Variants in APTX observed in about 807,000 individuals in gnomAD.
APTX encodes forkhead-associated domain histidine triad-like protein.
A neutral mutation model predicts 42.3 loss-of-function variants in APTX; 33 were observed. The observed-to-expected ratio is 0.78, with a 90% confidence interval of 0.59 to 1.04. APTX has a LOEUF of 1.04. Ranked by LOEUF, APTX falls within the 50% of genes least tolerant of loss-of-function variation. The pLI is 0.00. For synonymous variants in APTX, 130 were observed against 146.7 expected (o/e 0.89, Z 0.82); for missense variants, 421 against 415.1 (o/e 1.01, Z -0.12).
intron 1 of APTX, among the ~76,000 whole-genome samples, chr9:32,998,600 C>G (rs1159994296): frequency 6.6e-6 from 1 of 152,072 alleles, no homozygotes; most frequent in Non-Finnish European, 1.5e-5. Flanking sequence ...AACCATCATT[C>G]TCAGCAAACT....
intron 6 of APTX, 105 bp downstream of exon 6, chr9:32,984,526 C>G: frequency 8.3e-7 from 1 of 1,204,354 alleles, no homozygotes; most frequent in Non-Finnish European, 1.2e-6. Context: ...CTCCATCCCA[C>G]TTCCCTGGGT....
At position 33,017,868 on chromosome 9, in the gene APTX, T is replaced by C. The variant is rs371622606; in HGVS notation, c.-5+7155A>G. On this transcript the variant is annotated intron_variant, in intron 1 of 6. Coordinates refer to the APTX transcript ENST00000436040. ...GCCCCTTTCTCCTCCCTGGAGGTCATAGTGTGAGGCTGAAAGTTCCAATCC... is the reference window on the plus strand; with the variant it reads ...GCCCCTTTCTCCTCCCTGGAGGTCACAGTGTGAGGCTGAAAGTTCCAATCC... 1.3e-4 allele frequency among the ~76,000 whole-genome samples: 19 copies of C among 151,660 alleles called. No homozygotes were observed. The East Asian group carries it at 2.0e-3, about 16-fold the overall frequency.
intron 1 of APTX, among the ~76,000 whole-genome samples, chr9:33,012,138 G>T (rs1258738502): frequency 1.3e-5 from 2 of 152,060 alleles, no homozygotes; most frequent in Non-Finnish European, 2.9e-5. Flanking sequence ...TAAAACTTCT[G>T]CTTTCATAGA....
At chr9:32,987,892 A>T (rs769730907) in intron 3 of APTX, 46 bp from the exon 4 acceptor site, 32 of 1,602,546 alleles carry the variant, frequency 2.0e-5, no homozygotes, top group Non-Finnish European at 2.6e-5. Context: ...TAGCAACAGC[A>T]CCTACAGTAA....
upstream of APTX, among the ~76,000 whole-genome samples, chr9:33,002,562 A>G (rs1476850321): frequency 1.1e-4 from 17 of 152,070 alleles, no homozygotes; most frequent in Admixed American, 1.1e-3. Flanking sequence ...CTTTACCCCG[A>G]TGTTTCCTCT....
At chr9:33,001,504 CCGAA>C (rs1836492291) in intron 1 of APTX, 59 bp downstream of exon 1, 1 of 1,610,862 alleles carries the variant, frequency 6.2e-7, no homozygotes, top group Non-Finnish European at 8.5e-7. Flanking sequence ...GCAGCCTCGG[CCGAA>C]CGCTCACCCG....
intron 1 of APTX, among the ~76,000 whole-genome samples, chr9:33,007,824 T>C (rs904850122): frequency 6.6e-6 from 1 of 151,882 alleles, no homozygotes; most frequent in Non-Finnish European, 1.5e-5. Flanking sequence ...ACAACTTTGA[T>C]GTGTGTACTA....
intron 1 of APTX, among the ~76,000 whole-genome samples, chr9:33,009,216 T>C (rs563943342): frequency 1.4e-4 from 21 of 152,316 alleles, no homozygotes; most frequent in Non-Finnish European, 2.4e-4. Context: ...GCAATGCTGA[T>C]CTGTGTAAAT....
intron 6 of APTX, among the ~76,000 whole-genome samples, chr9:32,977,593 G>A (rs1829740018): frequency 1.3e-5 from 2 of 151,680 alleles, no homozygotes; most frequent in South Asian, 4.2e-4. Flanking sequence ...TACTTTGGGG[G>A]GCCAAGGCAG....
intron 6 of APTX, among the ~76,000 whole-genome samples, chr9:32,977,381 G>A (rs1369453356): frequency 6.6e-6 from 1 of 152,044 alleles, no homozygotes; most frequent in Non-Finnish European, 1.5e-5. Flanking sequence ...CTACTCGGGA[G>A]GCTGAGGCAA....
chr9:33,018,425 A>G (rs7043066), intron 1 of APTX, among the ~76,000 whole-genome samples: 62,938 of 150,328 alleles, frequency 0.42, 13,388 homozygotes, highest in African/African-American at 0.48. Flanking sequence ...AAAATTAGCC[A>G]GACGTGGTGG....
At chr9:33,017,591 C>T (rs1439574114) in intron 1 of APTX, among the ~76,000 whole-genome samples, 10 of 152,076 alleles carry the variant, frequency 6.6e-5, no homozygotes, top group Non-Finnish European at 1.3e-4. Flanking sequence ...CACAAACATT[C>T]AGACCACAGC....
At chr9:33,024,151 G>C (rs1296417969) in intron 1 of APTX, among the ~76,000 whole-genome samples, 1 of 152,208 alleles carries the variant, frequency 6.6e-6, no homozygotes. Context: ...AAGTCTAACT[G>C]GGGCTTTTCA....
intron 1 of APTX, among the ~76,000 whole-genome samples, chr9:32,999,793 G>A (rs1433445560): frequency 6.6e-6 from 1 of 152,064 alleles, no homozygotes; most frequent in East Asian, 1.9e-4. Flanking sequence ...GGCTAACACG[G>A]TGAAACCCCG....
At chr9:32,993,907 C>T (rs979931298) in intron 1 of APTX, among the ~76,000 whole-genome samples, 8 of 151,962 alleles carry the variant, frequency 5.3e-5, no homozygotes, top group Non-Finnish European at 1.0e-4. Flanking sequence ...TTAATAGAGA[C>T]GGGGTTTCAC....
rs946647697 is a variant in APTX at position 33,008,026 on chromosome 9, A to T, written c.-5+16997T>A. 1.4e-4 allele frequency among the ~76,000 whole-genome samples: 21 copies of T among 152,258 alleles called. No homozygotes were observed. In the South Asian group the frequency reaches 1.7e-3, roughly 12 times the overall value. ...CTTGTGACACTGTCTGCTCTGGGGG[A>T]ATCCAACCTAATGCACTCCTCCTAT... is the stretch of plus-strand genomic sequence containing the variant. On this transcript the variant is annotated intron_variant, in intron 1 of 6. Coordinates refer to the APTX transcript ENST00000436040.
chr9:32,975,999 C>T lies in APTX; in HGVS notation c.771-1438G>A, dbSNP rs569647892. On this transcript the variant is annotated intron_variant, in intron 6 of 7. Coordinates refer to ENST00000379817, the MANE Select transcript of APTX (RefSeq NM_001195248.2). The stretch of plus-strand genomic sequence containing the variant: ...GCCTGTAAGTGTACTCCAAGCGTAC[C>T]GTAAGAACCTATGTAAAAACCATTT... Among the ~76,000 whole-genome samples the T allele has an allele frequency of 5.3e-5, 8 of 152,144 alleles. No individual in the cohort carries two copies. In the South Asian group the frequency reaches 1.5e-3, roughly 28 times the overall value.
At chr9:33,011,769 C>G (rs1837560316) in intron 1 of APTX, among the ~76,000 whole-genome samples, 1 of 152,322 alleles carries the variant, frequency 6.6e-6, no homozygotes, top group Non-Finnish European at 1.5e-5. Flanking sequence ...AGCCCTTCCC[C>G]TTAAGGAGCT....
chr9:33,001,645 G>C (rs766995219), upstream of APTX: 2 of 1,612,376 alleles, frequency 1.2e-6, no homozygotes, highest in Non-Finnish European at 1.7e-6. Context: ...TGACGTCAGA[G>C]GCCGGCTGTA....
Sources: allele counts gnomAD v4.1 joint callset (sites outside exome capture counted in the v4.1 genomes callset), GRCh38; gene constraint gnomAD v4.1.1; transcripts MANE v1.5; gene names NCBI Gene and HGNC (gene_info 2026-07-23, HGNC 2026-07-21).